RBFOX3: variants seen among roughly 807,000 people sequenced by gnomAD.
The protein encoded by RBFOX3 is RNA binding protein fox-1 homolog 3.
Under a neutral mutation model 48.7 loss-of-function variants are expected in RBFOX3, and 17 were observed. The observed-to-expected ratio is 0.35, with a 90% CI of 0.24 to 0.52. RBFOX3 has a LOEUF of 0.52. Among genes scored for constraint, RBFOX3 ranks in the 20% least tolerant of loss-of-function variants. RBFOX3 has a pLI of 0.94. For synonymous variants in RBFOX3, 212 were observed against 209.5 expected (o/e 1.01, Z -0.10); for missense variants, 382 against 497.5 (o/e 0.77, Z 2.21).
At chr17:79,278,405 C>A (rs1028275319) in intron 3 of RBFOX3, among the ~76,000 whole-genome samples, 1 of 152,222 alleles carries the variant, frequency 6.6e-6, no homozygotes, top group Non-Finnish European at 1.5e-5. Flanking sequence ...GTGGTTCAGG[C>A]GCCTGCCACA....
intron 1 of RBFOX3, among the ~76,000 whole-genome samples, chr17:79,488,464 T>A (rs938237719): frequency 1.4e-4 from 21 of 152,302 alleles, no homozygotes; most frequent in Non-Finnish European, 2.5e-4. Flanking sequence ...AGGCTGTTCG[T>A]CTTCTCAGAG....
intron 2 of RBFOX3, among the ~76,000 whole-genome samples, chr17:79,467,012 A>T (rs2076404097): frequency 6.6e-6 from 1 of 152,336 alleles, no homozygotes; most frequent in Non-Finnish European, 1.5e-5. Context: ...CTCTGTGCAC[A>T]TGCATGACAC....
At chr17:79,162,855 T>G (rs1317164503) in intron 4 of RBFOX3, among the ~76,000 whole-genome samples, 6 of 152,056 alleles carry the variant, frequency 3.9e-5, no homozygotes, top group African/African-American at 1.2e-4. Flanking sequence ...GGGAAGTAGG[T>G]GCTGGAATGG....
chr17:79,351,532 C>A (rs1417335923), intron 2 of RBFOX3, among the ~76,000 whole-genome samples: 1 of 152,194 alleles, frequency 6.6e-6, no homozygotes, highest in African/African-American at 2.4e-5. Flanking sequence ...AGACATCTTA[C>A]TGTGTGCCAG....
At chr17:79,267,596 G>C (rs1217409661) in intron 3 of RBFOX3, among the ~76,000 whole-genome samples, 1 of 152,094 alleles carries the variant, frequency 6.6e-6, no homozygotes. Flanking sequence ...TCACCATGTT[G>C]GCCAAGCTTG....
intron 2 of RBFOX3, among the ~76,000 whole-genome samples, chr17:79,408,044 G>A (rs921892017): frequency 1.3e-5 from 2 of 152,102 alleles, no homozygotes; most frequent in Admixed American, 6.5e-5. Context: ...CCCCACTTCC[G>A]ATCCTGCCCT....
chr17:79,540,984 C>T (rs1229865754), intron 1 of RBFOX3, among the ~76,000 whole-genome samples: 1 of 152,116 alleles, frequency 6.6e-6, no homozygotes, highest in Non-Finnish European at 1.5e-5. Flanking sequence ...AAGTATCCTC[C>T]GAGGAACTGC....
At chr17:79,273,570 G>C (rs1567957029) in intron 3 of RBFOX3, among the ~76,000 whole-genome samples, 1 of 149,784 alleles carries the variant, frequency 6.7e-6, no homozygotes, top group Non-Finnish European at 1.5e-5. Flanking sequence ...CAGTGCTCTG[G>C]GGGGGGCGGG....
At chr17:79,502,502 G>A (rs1283569909) in intron 1 of RBFOX3, among the ~76,000 whole-genome samples, 1 of 152,128 alleles carries the variant, frequency 6.6e-6, no homozygotes, top group African/African-American at 2.4e-5. Context: ...TCATCAAGAT[G>A]GTAAATTTTA....
intron 4 of RBFOX3, among the ~76,000 whole-genome samples, chr17:79,138,065 C>T (rs1411306740): frequency 1.3e-5 from 2 of 152,202 alleles, no homozygotes; most frequent in East Asian, 3.9e-4. Context: ...GGCACACACA[C>T]GCCCACTCAC....
intron 2 of RBFOX3, among the ~76,000 whole-genome samples, chr17:79,373,884 GTCTCAC>G: frequency 6.9e-6 from 1 of 144,552 alleles, no homozygotes; most frequent in South Asian, 2.2e-4. Context: ...TTGAGACTGA[GTCTCAC>G]TCTTGTCGCC....
chr17:79,356,611 C>T (rs189493893), intron 2 of RBFOX3, among the ~76,000 whole-genome samples: 118 of 151,846 alleles, frequency 7.8e-4, no homozygotes, highest in Non-Finnish European at 7.5e-4. Flanking sequence ...TCAGGTGACC[C>T]ACCCACCTTG....
intron 4 of RBFOX3, among the ~76,000 whole-genome samples, chr17:79,187,950 T>C (rs868296814): frequency 6.6e-6 from 1 of 152,092 alleles, no homozygotes; most frequent in Admixed American, 6.5e-5. Context: ...TTTAAAAAAA[T>C]GTAGAAATTC....
chr17:79,155,530 T>C (rs907951927), intron 4 of RBFOX3, among the ~76,000 whole-genome samples: 2 of 152,136 alleles, frequency 1.3e-5, no homozygotes, highest in African/African-American at 2.4e-5. Context: ...TATTTCAGAG[T>C]ATTATGAAAT....
intron 4 of RBFOX3, among the ~76,000 whole-genome samples, chr17:79,172,933 G>T (rs1225897654): frequency 6.6e-6 from 1 of 152,230 alleles, no homozygotes; most frequent in East Asian, 1.9e-4. Context: ...TACCAGACGG[G>T]TGAGGTGGCT....
chr17:79,538,616 A>G (rs553785703), intron 1 of RBFOX3, among the ~76,000 whole-genome samples: 2 of 152,372 alleles, frequency 1.3e-5, no homozygotes, highest in South Asian at 2.1e-4. Context: ...CCTTTAGGGC[A>G]GCAGTAGGGC....
chr17:79,330,075 A>G (rs1049283571), intron 2 of RBFOX3, among the ~76,000 whole-genome samples: 2 of 152,164 alleles, frequency 1.3e-5, no homozygotes, highest in African/African-American at 2.4e-5. Flanking sequence ...AAAACTGACC[A>G]TCACATGAAC....
chr17:79,134,351 C>A (rs1296313470), intron 4 of RBFOX3, among the ~76,000 whole-genome samples: 1 of 152,280 alleles, frequency 6.6e-6, no homozygotes, highest in Non-Finnish European at 1.5e-5. Flanking sequence ...GATCAGTCCC[C>A]TGATGATCCC....
chr17:79,551,136 G>A (rs905745026), intron 1 of RBFOX3, among the ~76,000 whole-genome samples: 4 of 152,130 alleles, frequency 2.6e-5, no homozygotes, highest in Non-Finnish European at 5.9e-5. Context: ...AACACACCTT[G>A]CTGGTACTTC....
Sources: gnomAD v4.1 joint callset for allele counts (sites outside exome capture counted in the v4.1 genomes callset) on GRCh38, gnomAD v4.1.1 for gene constraint, MANE v1.5 for transcripts, NCBI Gene and HGNC (gene_info 2026-07-23, HGNC 2026-07-21) for gene names.